Variants in SPMIP3 observed in about 807,000 individuals in gnomAD.
SPMIP3 encodes sperm microtubule inner protein 3, also known as protein SPMIP3.
the SPMIP3 span, among the ~76,000 whole-genome samples, chr1:244,371,488 C>T: frequency 3.9e-5 from 6 of 152,234 alleles, no homozygotes; most frequent in Non-Finnish European, 7.3e-5. Context: ...CACACCTTCC[C>T]ATTTTCTTTT....
the SPMIP3 span, among the ~76,000 whole-genome samples, chr1:244,362,419 A>G: frequency 6.6e-6 from 1 of 152,068 alleles, no homozygotes; most frequent in Admixed American, 6.6e-5. Flanking sequence ...TAGTACCTCA[A>G]TTTTCTTGGG....
chr1:244,361,638 A>T, the SPMIP3 span, among the ~76,000 whole-genome samples: 2 of 152,186 alleles, frequency 1.3e-5, no homozygotes. Flanking sequence ...TTGGATCATT[A>T]CTCATTGTAT....
At chr1:244,359,206 G>T in the SPMIP3 span, among the ~76,000 whole-genome samples, 1 of 151,490 alleles carries the variant, frequency 6.6e-6, no homozygotes, top group South Asian at 2.1e-4. Flanking sequence ...CTAAAGATCG[G>T]TAACCACTCC....
chr1:244,383,522 A>G, the SPMIP3 span, among the ~76,000 whole-genome samples: 1 of 152,136 alleles, frequency 6.6e-6, no homozygotes, highest in Admixed American at 6.6e-5. Context: ...AAAAATAAAT[A>G]ACCATAAAAG....
the SPMIP3 span, among the ~76,000 whole-genome samples, chr1:244,366,075 T>C: frequency 4.6e-5 from 7 of 152,192 alleles, no homozygotes; most frequent in South Asian, 2.1e-4. Flanking sequence ...GTAGTAGCTA[T>C]AAATTTGTGA....
chr1:244,363,407 A>AAAAC, the SPMIP3 span, among the ~76,000 whole-genome samples: 113,418 of 151,160 alleles, frequency 0.75, 42,804 homozygotes, highest in East Asian at 0.92. Flanking sequence ...GGCCCTGTGA[A>AAAAC]AAACAAACAA....
chr1:244,361,393 TA>T, the SPMIP3 span, among the ~76,000 whole-genome samples: 1 of 151,960 alleles, frequency 6.6e-6, no homozygotes, highest in African/African-American at 2.4e-5. Context: ...CATGCCTAGT[TA>T]ATTGTTGTAT....
At chr1:244,372,655 G>C in the SPMIP3 span, among the ~76,000 whole-genome samples, 2 of 152,102 alleles carry the variant, frequency 1.3e-5, no homozygotes, top group South Asian at 4.1e-4. Flanking sequence ...GCGTTAGCCA[G>C]GATGGTCTCG....
chr1:244,353,354 G>A, the SPMIP3 span, among the ~76,000 whole-genome samples: 11 of 152,098 alleles, frequency 7.2e-5, no homozygotes, highest in Middle Eastern at 3.2e-3. Context: ...AGACCAGCCC[G>A]GGCAACGTAG....
chr1:244,371,013 C>T, the SPMIP3 span, among the ~76,000 whole-genome samples: 51,282 of 151,982 alleles, frequency 0.34, 10,325 homozygotes, highest in East Asian at 0.8. Flanking sequence ...AGCGTGGTCA[C>T]AGGAACACAG....
At chr1:244,374,543 CT>C in the SPMIP3 span, among the ~76,000 whole-genome samples, 5 of 146,946 alleles carry the variant, frequency 3.4e-5, no homozygotes, top group South Asian at 1.1e-3. Flanking sequence ...TTTTTATGTA[CT>C]TTTTTCAGAC....
chr1:244,372,851 C>T, the SPMIP3 span, among the ~76,000 whole-genome samples: 1 of 152,178 alleles, frequency 6.6e-6, no homozygotes, highest in African/African-American at 2.4e-5. Flanking sequence ...CAATGATGGC[C>T]ATTTATTGTG....
At chr1:244,360,711 C>T in the SPMIP3 span, among the ~76,000 whole-genome samples, 1 of 151,886 alleles carries the variant, frequency 6.6e-6, no homozygotes, top group Non-Finnish European at 1.5e-5. Flanking sequence ...ATGGTGAAAC[C>T]CCATCTCTAC....
the SPMIP3 span, among the ~76,000 whole-genome samples, chr1:244,382,608 T>G: frequency 1.4e-5 from 2 of 147,572 alleles, no homozygotes; most frequent in Admixed American, 6.8e-5. Context: ...CTGTTTTTTT[T>G]TTTTTTTTTT....
the SPMIP3 span, among the ~76,000 whole-genome samples, chr1:244,387,028 G>A: frequency 1.3e-5 from 2 of 152,190 alleles, no homozygotes; most frequent in South Asian, 4.1e-4. Flanking sequence ...ATGCAGCCGG[G>A]CGCAGTGGCT....
chr1:244,380,312 G>T, the SPMIP3 span, among the ~76,000 whole-genome samples: 1 of 151,982 alleles, frequency 6.6e-6, no homozygotes, highest in African/African-American at 2.4e-5. Flanking sequence ...TATAGACGGA[G>T]TCTCACCATG....
At chr1:244,365,605 T>C in the SPMIP3 span, among the ~76,000 whole-genome samples, 1 of 152,152 alleles carries the variant, frequency 6.6e-6, no homozygotes, top group Admixed American at 6.5e-5. Context: ...AATGGGCTAA[T>C]ACAAGGGGTT....
At chr1:244,367,735 A>G in the SPMIP3 span, among the ~76,000 whole-genome samples, 1 of 152,212 alleles carries the variant, frequency 6.6e-6, no homozygotes, top group Non-Finnish European at 1.5e-5. Flanking sequence ...ACCACAGAGC[A>G]CTAGGCAGGA....
the SPMIP3 span, chr1:244,364,903 G>T: frequency 4.6e-5 from 39 of 841,218 alleles, no homozygotes; most frequent in Middle Eastern, 9.9e-4. Flanking sequence ...TTCCTGATGA[G>T]CAGGTCTGTG....
Sources: gnomAD v4.1 joint callset for allele counts (sites outside exome capture counted in the v4.1 genomes callset) on GRCh38, gnomAD v4.1.1 for gene constraint, MANE v1.5 for transcripts, NCBI Gene and HGNC (gene_info 2026-07-23, HGNC 2026-07-21) for gene names.